Variants in DAB1 observed in about 807,000 individuals in gnomAD.
The protein encoded by DAB1 is disabled homolog 1.
Under a neutral mutation model 64.6 loss-of-function variants are expected in DAB1, and 15 were observed. The ratio of observed to expected loss-of-function variants is 0.23; its 90% CI spans 0.16 to 0.36. The LOEUF is 0.36. Among genes scored for constraint, DAB1 ranks in the 10% least tolerant of loss-of-function variants. The pLI is 1.00. For missense variants in DAB1, 596 were observed against 706.7 expected (o/e 0.84, Z 1.78); for synonymous variants, 235 against 251.9 (o/e 0.93, Z 0.64).
At chr1:57,956,108 ATCT>A (rs1645387345) in intron 5 of DAB1, among the ~76,000 whole-genome samples, 2 of 152,312 alleles carry the variant, frequency 1.3e-5, no homozygotes, top group East Asian at 3.9e-4. Flanking sequence ...AATATGTCAG[ATCT>A]GATTACCACA....
At chr1:57,656,971 T>C (rs943810004) in intron 6 of DAB1, among the ~76,000 whole-genome samples, 4 of 152,210 alleles carry the variant, frequency 2.6e-5, no homozygotes, top group Non-Finnish European at 4.4e-5. Flanking sequence ...GTGATAGGCA[T>C]GGAATGAATG....
chr1:57,654,204 A>G (rs192046934), intron 6 of DAB1, among the ~76,000 whole-genome samples: 536 of 152,262 alleles, frequency 3.5e-3, no homozygotes, highest in South Asian at 7.5e-3. Context: ...GACAACACAC[A>G]CCAAAAATAA....
chr1:57,868,735 ATAG>A (rs1654410066), intron 1 of DAB1, among the ~76,000 whole-genome samples: 1 of 152,084 alleles, frequency 6.6e-6, no homozygotes, highest in African/African-American at 2.4e-5. Flanking sequence ...TGCCTGACAC[ATAG>A]TAGGCACTTT....
chr1:57,136,626 C>A lies in DAB1; in HGVS notation c.223G>T (p.Ala75Ser), dbSNP rs151141316. Residue 75 changes from alanine (A) to serine (S), a missense_variant, in exon 4 of 15, where the codon GCT becomes TCT. Ala to Ser is a moderately conservative substitution (Grantham distance 99, BLOSUM62 1). Transcript: ENST00000371236. ...TGTTTGTGTTCTCCTTTGGAACGAG[C>A]GCCAGCAACAACGCCCTGTTGAAAG... ...MMKLKGVVAGARSKGEHKQKI... is the reference protein window; with the variant it reads ...MMKLKGVVAGSRSKGEHKQKI... 58 of 1,527,712 alleles carry A rather than the reference C, an allele frequency of 3.8e-5. No individual in the cohort carries two copies. In the Admixed American group the frequency reaches 9.9e-4, roughly 26 times the overall value. 94.6% of individuals were successfully genotyped at this position (1,527,712 alleles called of 1,614,324 possible).
chr1:57,224,032 C>T (rs1667079655), intron 2 of DAB1, among the ~76,000 whole-genome samples: 1 of 152,188 alleles, frequency 6.6e-6, no homozygotes. Context: ...TTCCAAAACA[C>T]CCTGCCTTGC....
intron 4 of DAB1, among the ~76,000 whole-genome samples, chr1:58,184,005 C>T (rs1656936439): frequency 6.6e-6 from 1 of 152,034 alleles, no homozygotes. Flanking sequence ...GACATGCACA[C>T]ACTCCAAATC....
chr1:58,027,843 T>C (rs527852166), intron 5 of DAB1, among the ~76,000 whole-genome samples: 205 of 152,330 alleles, frequency 1.3e-3, no homozygotes, highest in African/African-American at 3.8e-3. Flanking sequence ...TTCAGCCATA[T>C]AGATGAAACC....
At chr1:57,118,512 CT>C (rs1656346553) in intron 4 of DAB1, among the ~76,000 whole-genome samples, 1 of 152,106 alleles carries the variant, frequency 6.6e-6, no homozygotes, top group Admixed American at 6.6e-5. Context: ...TAGCTCCTGC[CT>C]TCTATGCTAA....
chr1:57,610,898 A>G (rs574697944), intron 7 of DAB1, among the ~76,000 whole-genome samples: 1 of 152,226 alleles, frequency 6.6e-6, no homozygotes, highest in African/African-American at 2.4e-5. Context: ...ATGTGATCTG[A>G]TTGATTTTTC....
At chr1:57,041,567 TC>T (rs548075992) in intron 9 of DAB1, among the ~76,000 whole-genome samples, 67 of 152,330 alleles carry the variant, frequency 4.4e-4, no homozygotes, top group South Asian at 2.7e-3. Flanking sequence ...TCGATTACTA[TC>T]CTTGAATTTT....
chr1:57,609,112 C>T (rs1244179141), intron 7 of DAB1, among the ~76,000 whole-genome samples: 1 of 152,144 alleles, frequency 6.6e-6, no homozygotes, highest in African/African-American at 2.4e-5. Flanking sequence ...CTCAGCATGG[C>T]CCCAATAGGC....
In DAB1 at chr1:58,308,872, A is replaced by G. The variant is rs141614485; in HGVS notation, n.309+34480T>C. ...AGACTCAGGCGCTCCCCATATTCCA[A>G]GGTCTACCTGGTCAAATCTCCAGAG... On this transcript the variant is annotated intron_variant and non_coding_transcript_variant, in intron 4 of 20. Coordinates refer to the DAB1 transcript ENST00000485760. Among the ~76,000 whole-genome samples the G allele has an allele frequency of 2.1e-3, 327 of 152,252 alleles. 3 individuals are homozygous for G. Among genetic ancestry groups the G allele is most frequent in the African/African-American group, 7.6e-3 (314 of 41,562 alleles).
chr1:57,162,993 G>T (rs548869395), intron 2 of DAB1, among the ~76,000 whole-genome samples: 1 of 152,292 alleles, frequency 6.6e-6, no homozygotes, highest in South Asian at 2.1e-4. Context: ...TGAATGCAAG[G>T]GCACAGGCCT....
At chr1:58,476,638 G>T (rs896052484) in intron 3 of DAB1, among the ~76,000 whole-genome samples, 1 of 152,148 alleles carries the variant, frequency 6.6e-6, no homozygotes, top group African/African-American at 2.4e-5. Flanking sequence ...ACAGATTAAA[G>T]AATTCTCTAG....
chr1:58,053,120 C>A (rs1329644396), intron 5 of DAB1, among the ~76,000 whole-genome samples: 3 of 152,192 alleles, frequency 2.0e-5, no homozygotes, highest in Non-Finnish European at 4.4e-5. Context: ...GAGGGATCCA[C>A]CCCCATGGCC....
At chr1:57,942,220 A>G (rs1427959418) in intron 5 of DAB1, among the ~76,000 whole-genome samples, 3 of 152,184 alleles carry the variant, frequency 2.0e-5, no homozygotes, top group Admixed American at 1.3e-4. Flanking sequence ...CATCCAGTCC[A>G]GGCACACTGT....
chr1:58,147,491 G>A (rs534398790), intron 5 of DAB1, among the ~76,000 whole-genome samples: 2 of 150,636 alleles, frequency 1.3e-5, no homozygotes, highest in Admixed American at 6.6e-5. Flanking sequence ...GGTGGCAGAC[G>A]CCTGTAGTCC....
At chr1:57,808,623 C>G (rs960111249) in intron 6 of DAB1, among the ~76,000 whole-genome samples, 3 of 152,082 alleles carry the variant, frequency 2.0e-5, no homozygotes, top group African/African-American at 7.2e-5. Context: ...AACTAAGTAC[C>G]AAATGTTCAC....
chr1:57,172,778 T>C (rs1202586083), intron 2 of DAB1, among the ~76,000 whole-genome samples: 1 of 152,164 alleles, frequency 6.6e-6, no homozygotes, highest in African/African-American at 2.4e-5. Flanking sequence ...TCTCAAGGAA[T>C]CTGCCCCATG....
Sources: allele counts gnomAD v4.1 joint callset (sites outside exome capture counted in the v4.1 genomes callset), GRCh38; gene constraint gnomAD v4.1.1; transcripts MANE v1.5; gene names NCBI Gene and HGNC (gene_info 2026-07-23, HGNC 2026-07-21).